The following HTR2C variants were observed in gnomAD, a reference collection of about 807,000 sequenced individuals.
The protein encoded by HTR2C is 5-hydroxytryptamine (serotonin) receptor 2C, G protein-coupled.
Under a neutral mutation model 21.0 loss-of-function variants are expected in HTR2C, and 5 were observed. The ratio of observed to expected loss-of-function variants is 0.24; its 90% CI spans 0.12 to 0.50. HTR2C has a LOEUF of 0.50. Among genes scored for constraint, HTR2C ranks in the 20% least tolerant of loss-of-function variants. HTR2C has a pLI of 0.98. For missense variants in HTR2C, 271 were observed against 371.2 expected, an observed-to-expected ratio of 0.73 and a Z score of 2.22; for synonymous variants, 150 against 145.3, an observed-to-expected ratio of 1.03 and a Z score of -0.23.
At chrX:114,640,365 G>T (rs1381505946) in intron 2 of HTR2C, among the ~76,000 whole-genome samples, 1 of 111,851 alleles carries the variant, frequency 8.9e-6, no homozygotes, top group African/African-American at 3.2e-5. Flanking sequence ...AATAAGGGAG[G>T]CTTCTTATAT....
intron 4 of HTR2C, among the ~76,000 whole-genome samples, chrX:114,821,878 CTTTTTT>C (rs782532204): frequency 1.1e-5 from 1 of 93,969 alleles, no homozygotes; most frequent in Non-Finnish European, 2.1e-5. Context: ...ACTAAATATC[CTTTTTT>C]TTTTTTTTTT....
chrX:114,734,819 A>G (rs1462474332), intron 4 of HTR2C, among the ~76,000 whole-genome samples: 3 of 110,749 alleles, frequency 2.7e-5, no homozygotes, highest in Non-Finnish European at 5.7e-5. Flanking sequence ...AGAGCTATAA[A>G]TTCTAGTATA....
chrX:114,639,939 G>A (rs782433469), intron 2 of HTR2C, among the ~76,000 whole-genome samples: 7 of 111,368 alleles, frequency 6.3e-5, no homozygotes, highest in Admixed American at 3.8e-4. Flanking sequence ...TATATTACAG[G>A]TTAAGGTTAA....
intron 2 of HTR2C, among the ~76,000 whole-genome samples, chrX:114,648,398 C>A (rs1556407926): frequency 9.0e-6 from 1 of 111,435 alleles, no homozygotes; most frequent in East Asian, 2.8e-4. Flanking sequence ...CATTATTGTA[C>A]TACTACGGTC....
rs782772568 is a variant in HTR2C, at chrX:114,784,883, T to C, written c.349+53276T>C. 1.4e-3 allele frequency among the ~76,000 whole-genome samples: 161 copies of C among 111,301 alleles called. 2 individuals carry two copies. Among genetic ancestry groups the C allele is most frequent in the Non-Finnish European group, 1.1e-3 (59 of 53,078 alleles). Reference sequence around the variant, plus strand: ...ATCCGCCCGCCTCGGCCTCCCAAAGTGCTGGGATTACAGGCGTGAGCCACC... The same window carrying C: ...ATCCGCCCGCCTCGGCCTCCCAAAGCGCTGGGATTACAGGCGTGAGCCACC... On this transcript the variant is annotated intron_variant, in intron 4 of 5. Transcript: ENST00000276198.
chrX:114,834,233 T>G (rs2070758061), intron 4 of HTR2C, among the ~76,000 whole-genome samples: 1 of 110,407 alleles, frequency 9.1e-6, no homozygotes, highest in African/African-American at 3.3e-5. Context: ...GATGCAAGGC[T>G]GAGTTCAATT....
At chrX:114,878,051 G>A (rs1421967770) in intron 5 of HTR2C, among the ~76,000 whole-genome samples, 3 of 110,319 alleles carry the variant, frequency 2.7e-5, no homozygotes, top group African/African-American at 9.8e-5. Context: ...TGAAAGTAGG[G>A]TGCTGATGTC....
intron 4 of HTR2C, among the ~76,000 whole-genome samples, chrX:114,803,853 G>GA (rs782287581): frequency 1.8e-5 from 2 of 111,435 alleles, no homozygotes; most frequent in African/African-American, 6.5e-5. Flanking sequence ...CCACATAGCT[G>GA]AAAAAAATAT....
chrX:114,769,234 C>G (rs2069976087), intron 4 of HTR2C, among the ~76,000 whole-genome samples: 1 of 110,927 alleles, frequency 9.0e-6, no homozygotes, highest in African/African-American at 3.3e-5. Flanking sequence ...AATACAATAA[C>G]AATAACAAAA....
At chrX:114,862,910 C>T (rs1556473453) in intron 5 of HTR2C, among the ~76,000 whole-genome samples, 1 of 110,973 alleles carries the variant, frequency 9.0e-6, no homozygotes, top group African/African-American at 3.3e-5. Context: ...CGTCATCTCC[C>T]TCAACTCCCC....
chrX:114,731,636 C>G, intron 4 of HTR2C, 29 bp downstream of exon 4: 1 of 1,013,912 alleles, frequency 9.9e-7, no homozygotes, highest in South Asian at 2.2e-5. Flanking sequence ...ACTTTTCAAT[C>G]TCGTATAATG....
chrX:114,822,660 A>T (rs1323836599), intron 4 of HTR2C, among the ~76,000 whole-genome samples: 5 of 112,292 alleles, frequency 4.5e-5, no homozygotes, highest in African/African-American at 1.6e-4. Flanking sequence ...TACATAAAAA[A>T]TTCCAGGAAA....
chrX:114,687,735 G>A (rs1414363471), intron 2 of HTR2C, among the ~76,000 whole-genome samples: 3 of 111,417 alleles, frequency 2.7e-5, no homozygotes, highest in African/African-American at 9.8e-5. Flanking sequence ...AATGTAAAGT[G>A]CAGTTGAGAC....
At chrX:114,772,465 G>T (rs1445835919) in intron 4 of HTR2C, among the ~76,000 whole-genome samples, 1 of 76,119 alleles carries the variant, frequency 1.3e-5, no homozygotes, top group Non-Finnish European at 2.6e-5. Context: ...TTGTGTATGT[G>T]TGGTGGCGGG....
chrX:114,768,380 C>T (rs1234743951), intron 4 of HTR2C, among the ~76,000 whole-genome samples: 5 of 110,808 alleles, frequency 4.5e-5, no homozygotes, highest in Admixed American at 3.9e-4. Flanking sequence ...TTAAGGTTAT[C>T]ATTATTTTTA....
intron 1 of HTR2C, among the ~76,000 whole-genome samples, chrX:114,613,381 G>A (rs1928826022): frequency 9.0e-6 from 1 of 111,722 alleles, no homozygotes; most frequent in Non-Finnish European, 1.9e-5. Flanking sequence ...TGGTGAGAGT[G>A]TAGCAGTGAG....
At chrX:114,860,156 T>A (rs1408332551) in intron 5 of HTR2C, among the ~76,000 whole-genome samples, 2 of 111,748 alleles carry the variant, frequency 1.8e-5, no homozygotes, top group East Asian at 5.6e-4. Flanking sequence ...AGTAACAGAA[T>A]GTGTGTTTTG....
At chrX:114,637,359 A>G (rs1929880303) in intron 2 of HTR2C, among the ~76,000 whole-genome samples, 1 of 111,600 alleles carries the variant, frequency 9.0e-6, no homozygotes, top group Admixed American at 9.6e-5. Flanking sequence ...CCCTCAATCT[A>G]TAAAGCACTC....
chrX:114,748,895 AT>A (rs2069730609), intron 4 of HTR2C, among the ~76,000 whole-genome samples: 1 of 111,736 alleles, frequency 8.9e-6, no homozygotes, highest in African/African-American at 3.3e-5. Context: ...CTTCATCAAA[AT>A]TAAAAGCTTT....
Sources: gnomAD v4.1 joint callset for allele counts (sites outside exome capture counted in the v4.1 genomes callset) on GRCh38, gnomAD v4.1.1 for gene constraint, MANE v1.5 for transcripts, NCBI Gene and HGNC (gene_info 2026-07-23, HGNC 2026-07-21) for gene names.